ATL2: variants seen among roughly 807,000 people sequenced by gnomAD.
ATL2 encodes the protein atlastin GTPase 2, also known as atlastin-2.
Under a neutral mutation model 73.9 loss-of-function variants are expected in ATL2, and 31 were observed. The observed-to-expected ratio is 0.42, with a 90% CI of 0.32 to 0.57. ATL2 has a LOEUF of 0.57. Among genes scored for constraint, ATL2 ranks in the 20% least tolerant of loss-of-function variants. The pLI is 0.14. For missense variants in ATL2, 738 were observed against 702.6 expected, an observed-to-expected ratio of 1.05 and a Z score of -0.57; for synonymous variants, 291 against 237.5, an observed-to-expected ratio of 1.23 and a Z score of -2.07.
At position 38,299,320 on chromosome 2, in the gene ATL2, G is replaced by C. The variant is rs936659341; in HGVS notation, c.1136C>G (p.Ala379Gly). The C allele has an allele frequency of 6.6e-7, 1 of 1,512,708 alleles. No homozygotes were observed. Among genetic ancestry groups the C allele is most frequent in the African/African-American group, 1.5e-5 (1 of 67,742 alleles). The allele number at this position is 1,512,708 out of a possible 1,614,324, so 93.7% of individuals were successfully genotyped here. A position where few individuals can be genotyped will look rare whatever the true frequency, so the allele number is the denominator to read the frequency against. The change falls in exon 11 of 13, where the codon GCT becomes GGT. Residue 379 changes from alanine to glycine, a missense_variant. Physicochemically the swap from Ala to Gly is moderately conservative, Grantham distance 60. Coordinates refer to ENST00000378954, the MANE Select transcript of ATL2 (RefSeq NM_001135673.4). ...TACTGCAGCAAGATTATTAGCTTCA[G>C]CTGTTGCCTAAAAAATAAAATATGC... Reference protein sequence around the residue: ...PHPKSMLQATAEANNLAAVAG... With the variant: ...PHPKSMLQATGEANNLAAVAG...
intron 1 of ATL2, among the ~76,000 whole-genome samples, chr2:38,372,634 T>A (rs1006240548): frequency 6.6e-6 from 1 of 152,226 alleles, no homozygotes; most frequent in African/African-American, 2.4e-5. Context: ...AAAATGCACA[T>A]TTATTAAAAT....
At chr2:38,375,096 C>A (rs1671888049) in intron 1 of ATL2, among the ~76,000 whole-genome samples, 1 of 152,258 alleles carries the variant, frequency 6.6e-6, no homozygotes, top group South Asian at 2.1e-4. Flanking sequence ...TCTAAAGATC[C>A]TACATTCCTA....
At chr2:38,346,881 T>C (rs951900405) in intron 1 of ATL2, among the ~76,000 whole-genome samples, 2 of 152,228 alleles carry the variant, frequency 1.3e-5, no homozygotes, top group African/African-American at 4.8e-5. Flanking sequence ...TGCTAAGCTC[T>C]TTCTAGACTC....
chr2:38,324,273 A>G (rs534046563), intron 2 of ATL2, among the ~76,000 whole-genome samples: 1 of 152,140 alleles, frequency 6.6e-6, no homozygotes, highest in Non-Finnish European at 1.5e-5. Flanking sequence ...AGCGAAACTC[A>G]GTCTCAAAAA....
intron 1 of ATL2, among the ~76,000 whole-genome samples, chr2:38,359,850 G>A (rs922446812): frequency 4.0e-5 from 6 of 151,838 alleles, no homozygotes; most frequent in East Asian, 1.9e-4. Context: ...AAAGTTGGCC[G>A]GGCGCGGTGG....
At chr2:38,365,716 T>C (rs1351542631) in intron 1 of ATL2, among the ~76,000 whole-genome samples, 1 of 152,052 alleles carries the variant, frequency 6.6e-6, no homozygotes, top group Non-Finnish European at 1.5e-5. Flanking sequence ...GGAGAATCAC[T>C]TGAACCCTGG....
chr2:38,352,129 C>CCA (rs1573553253), intron 1 of ATL2, among the ~76,000 whole-genome samples: 2 of 18,792 alleles, frequency 1.1e-4, no homozygotes, highest in East Asian at 2.5e-3. Flanking sequence ...ACAAAAACAA[C>CCA]AACCAAAAAA....
intron 9 of ATL2, among the ~76,000 whole-genome samples, chr2:38,307,409 G>C (rs142704085): frequency 6.7e-6 from 1 of 149,538 alleles, no homozygotes; most frequent in Non-Finnish European, 1.5e-5. Flanking sequence ...GAGGCCAGGC[G>C]AATTGCTTGA....
At chr2:38,377,704 T>G (rs1041987253), upstream of ATL2, among the ~76,000 whole-genome samples, 1 of 152,184 alleles carries the variant, frequency 6.6e-6, no homozygotes, top group African/African-American at 2.4e-5. Context: ...GCACGTGAGG[T>G]GGCTTTCGCA....
rs369365687 is a variant in ATL2, at chr2:38,298,314, T to C, written c.1462A>G (p.Ile488Val). ...CCAATGAAGCCAGTCAGTCCTGAGA[T>C]TATATACATAGCAAACATGACCGCA... ...LFAVMFAMYIISGLTGFIGLN... is the reference protein window; with the variant it reads ...LFAVMFAMYIVSGLTGFIGLN... Residue 488 changes from isoleucine to valine, a missense_variant, in exon 12 of 13, where the codon ATC becomes GTC. Coordinates refer to ENST00000378954, the MANE Select transcript of ATL2 (RefSeq NM_001135673.4). 14 of 1,614,070 alleles carry C rather than the reference T, an allele frequency of 8.7e-6. No individual in the cohort carries two copies. Among genetic ancestry groups the C allele is most frequent in the African/African-American group, 1.3e-5 (1 of 74,930 alleles).
chr2:38,318,857 G>A, intron 3 of ATL2, 28 bp downstream of exon 3: 1 of 1,604,578 alleles, frequency 6.2e-7, no homozygotes. Flanking sequence ...AAAGAATACA[G>A]GGTAGAAAAG....
intron 9 of ATL2, among the ~76,000 whole-genome samples, chr2:38,302,150 T>A (rs1471248375): frequency 6.6e-6 from 1 of 152,122 alleles, no homozygotes; most frequent in Non-Finnish European, 1.5e-5. Flanking sequence ...ACGTGCTGAC[T>A]CAAGAGCCTC....
At chr2:38,314,490 G>A in intron 6 of ATL2, 118 bp downstream of exon 6, 2 of 656,200 alleles carry the variant, frequency 3.0e-6, no homozygotes, top group East Asian at 2.8e-5. Context: ...CGATTGCACT[G>A]AATCTGTTGC....
intron 1 of ATL2, among the ~76,000 whole-genome samples, chr2:38,367,928 C>G (rs1315836067): frequency 6.6e-6 from 1 of 151,172 alleles, no homozygotes; most frequent in African/African-American, 2.4e-5. Flanking sequence ...CCACCACGCC[C>G]GGCCTAAAAC....
chr2:38,329,423 CAAAA>C (rs70954711), intron 2 of ATL2, among the ~76,000 whole-genome samples: 340 of 13,618 alleles, frequency 0.025, no homozygotes, highest in Admixed American at 0.12. Flanking sequence ...ACTCCATCTC[CAAAA>C]AAAAAAAAAA....
At chr2:38,366,975 C>T (rs1302718866) in intron 1 of ATL2, among the ~76,000 whole-genome samples, 1 of 152,066 alleles carries the variant, frequency 6.6e-6, no homozygotes, top group African/African-American at 2.4e-5. Flanking sequence ...TTAGTACATG[C>T]CAAACACTTT....
intron 9 of ATL2, among the ~76,000 whole-genome samples, chr2:38,303,420 G>A (rs1667285349): frequency 6.6e-6 from 1 of 151,934 alleles, no homozygotes; most frequent in Non-Finnish European, 1.5e-5. Context: ...TGCCCAGACT[G>A]GTCTCAAGTG....
At chr2:38,297,468 C>G (rs1666956456) in intron 12 of ATL2, among the ~76,000 whole-genome samples, 1 of 152,192 alleles carries the variant, frequency 6.6e-6, no homozygotes, top group African/African-American at 2.4e-5. Flanking sequence ...ACACCGGAGG[C>G]AGATACACAA....
At chr2:38,360,473 G>C (rs1352789544) in intron 1 of ATL2, among the ~76,000 whole-genome samples, 1 of 151,976 alleles carries the variant, frequency 6.6e-6, no homozygotes, top group East Asian at 1.9e-4. Context: ...GTAGAGACCA[G>C]GTCTCACTAT....
Sources: allele counts gnomAD v4.1 joint callset (sites outside exome capture counted in the v4.1 genomes callset), GRCh38; gene constraint gnomAD v4.1.1; transcripts MANE v1.5; gene names NCBI Gene and HGNC (gene_info 2026-07-23, HGNC 2026-07-21).